BRINP3: variants seen among roughly 807,000 people sequenced by gnomAD.
BRINP3 encodes BMP/retinoic acid inducible neural specific 3, also known as BMP/retinoic acid-inducible neural-specific protein 3.
In BRINP3, 19 loss-of-function variants were observed where a neutral mutation model predicts 71.0. The ratio of observed to expected loss-of-function variants is 0.27; its 90% confidence interval spans 0.19 to 0.39. The LOEUF (loss-of-function observed/expected upper bound fraction) is 0.39, where lower values mean the gene tolerates loss of function less well. BRINP3 is among the 10% of genes least tolerant of loss of function. The pLI is 1.00. For missense variants in BRINP3, 959 were observed against 940.8 expected (o/e 1.02, Z -0.25); for synonymous variants, 380 against 337.7 (o/e 1.13, Z -1.37).
intron 2 of BRINP3, among the ~76,000 whole-genome samples, chr1:190,312,073 A>ATATG (rs1553287441): frequency 2.4e-4 from 34 of 139,626 alleles, no homozygotes; most frequent in Admixed American, 8.6e-4. Context: ...ATATATATAT[A>ATATG]TATGTATTTC....
intron 4 of BRINP3, among the ~76,000 whole-genome samples, chr1:190,260,184 AG>A (rs894083577): frequency 3.3e-5 from 5 of 152,104 alleles, no homozygotes; most frequent in African/African-American, 1.2e-4. Flanking sequence ...ATGAGCACAA[AG>A]TTGCAGTTAT....
At chr1:190,466,020 G>A (rs1158368551) in intron 1 of BRINP3, among the ~76,000 whole-genome samples, 2 of 151,704 alleles carry the variant, frequency 1.3e-5, no homozygotes, top group Admixed American at 6.6e-5. Flanking sequence ...CCACTTGCAA[G>A]GATAATAAAT....
chr1:190,202,638 T>C (rs1042127232), intron 6 of BRINP3, among the ~76,000 whole-genome samples: 64 of 152,246 alleles, frequency 4.2e-4, no homozygotes, highest in African/African-American at 1.5e-3. Flanking sequence ...GATGATTGAA[T>C]CATTGGGACA....
chr1:190,361,785 C>T lies in BRINP3; in HGVS notation c.237-80035G>A, dbSNP rs190829353. 7.2e-4 allele frequency among the ~76,000 whole-genome samples: 109 copies of T among 152,180 alleles called. 1 individual carries two copies. The highest frequency in any genetic ancestry group is 4.3e-4 in the Non-Finnish European group (29 of 67,998). ...TCCATTAGGCATATTATGTACAAGGCGGCTACATGCAAACTTCATCATCCA... is the reference window on the plus strand; with the variant it reads ...TCCATTAGGCATATTATGTACAAGGTGGCTACATGCAAACTTCATCATCCA... On this transcript the variant is annotated intron_variant, in intron 2 of 7. Transcript: ENST00000367462.
chr1:190,145,948 A>AAT (rs1655852237), intron 7 of BRINP3, among the ~76,000 whole-genome samples: 1 of 152,196 alleles, frequency 6.6e-6, no homozygotes, highest in Admixed American at 6.6e-5. Flanking sequence ...GAAGTTGCTC[A>AAT]GGAATGGAAA....
intron 4 of BRINP3, among the ~76,000 whole-genome samples, chr1:190,253,483 G>C (rs1445169482): frequency 6.6e-6 from 1 of 152,128 alleles, no homozygotes; most frequent in Non-Finnish European, 1.5e-5. Context: ...GGTATGAAAT[G>C]GTATCTCAAT....
At chr1:190,136,637 G>A (rs540069964) in intron 7 of BRINP3, among the ~76,000 whole-genome samples, 8 of 151,998 alleles carry the variant, frequency 5.3e-5, no homozygotes, top group African/African-American at 1.7e-4. Context: ...TTTAACATAC[G>A]CAAACATTTT....
At chr1:190,446,121 TA>T (rs1240704800) in intron 2 of BRINP3, among the ~76,000 whole-genome samples, 12 of 152,224 alleles carry the variant, frequency 7.9e-5, no homozygotes, top group Admixed American at 7.9e-4. Flanking sequence ...ATTTCTATAT[TA>T]TTTCTGGCTG....
chr1:190,424,835 C>T (rs1273208560), intron 2 of BRINP3, among the ~76,000 whole-genome samples: 2 of 151,604 alleles, frequency 1.3e-5, no homozygotes, highest in African/African-American at 4.8e-5. Context: ...AAAGCATTTT[C>T]CTTTCTAACA....
At chr1:190,401,229 G>T (rs1671898493) in intron 2 of BRINP3, among the ~76,000 whole-genome samples, 1 of 151,754 alleles carries the variant, frequency 6.6e-6, no homozygotes, top group African/African-American at 2.4e-5. Context: ...ATCGTGTTGG[G>T]CGCCTGTAAT....
chr1:190,425,443 A>C (rs540981882), intron 2 of BRINP3, among the ~76,000 whole-genome samples: 16 of 151,864 alleles, frequency 1.1e-4, no homozygotes, highest in Middle Eastern at 6.8e-3. Context: ...ATTCTCAATC[A>C]ATCTCTAGTG....
At chr1:190,113,741 T>C (rs1159937539) in intron 7 of BRINP3, among the ~76,000 whole-genome samples, 2 of 152,212 alleles carry the variant, frequency 1.3e-5, no homozygotes, top group Non-Finnish European at 2.9e-5. Context: ...AGCATATTTC[T>C]AGTATATTGC....
intron 2 of BRINP3, among the ~76,000 whole-genome samples, chr1:190,293,863 T>A (rs955875382): frequency 1.3e-5 from 2 of 152,158 alleles, no homozygotes; most frequent in African/African-American, 4.8e-5. Context: ...GTTTTCATTT[T>A]CATAGAATAT....
intron 2 of BRINP3, among the ~76,000 whole-genome samples, chr1:190,448,467 G>GA (rs1247264477): frequency 5.0e-5 from 7 of 141,246 alleles, no homozygotes; most frequent in African/African-American, 1.0e-4. Context: ...TGGGGTTTGT[G>GA]TGTGTGTGTG....
At chr1:190,338,146 A>C (rs184392616) in intron 2 of BRINP3, among the ~76,000 whole-genome samples, 3 of 152,202 alleles carry the variant, frequency 2.0e-5, no homozygotes, top group Non-Finnish European at 1.5e-5. Context: ...TTAGTAACTT[A>C]AGCAATTGAA....
intron 2 of BRINP3, among the ~76,000 whole-genome samples, chr1:190,402,243 T>C (rs1671976085): frequency 6.6e-6 from 1 of 152,146 alleles, no homozygotes; most frequent in South Asian, 2.1e-4. Flanking sequence ...ATTGAAGTAA[T>C]ATATTTTTAT....
chr1:190,198,131 C>T (rs1315048529), intron 6 of BRINP3, among the ~76,000 whole-genome samples: 1 of 151,590 alleles, frequency 6.6e-6, no homozygotes, highest in African/African-American at 2.4e-5. Flanking sequence ...ATGTTGGCCC[C>T]TTTTGCTATG....
intron 2 of BRINP3, among the ~76,000 whole-genome samples, chr1:190,388,652 C>G (rs1314587509): frequency 6.6e-6 from 1 of 151,742 alleles, no homozygotes; most frequent in Non-Finnish European, 1.5e-5. Context: ...TGATTTTGGA[C>G]TTCCAGACTC....
intron 7 of BRINP3, among the ~76,000 whole-genome samples, chr1:190,106,462 A>G (rs929455445): frequency 1.3e-5 from 2 of 151,640 alleles, no homozygotes; most frequent in African/African-American, 2.4e-5. Flanking sequence ...TAAGGATTTT[A>G]AAAGTATAAT....
Sources: gnomAD v4.1 joint callset for allele counts (sites outside exome capture counted in the v4.1 genomes callset) on GRCh38, gnomAD v4.1.1 for gene constraint, MANE v1.5 for transcripts, NCBI Gene and HGNC (gene_info 2026-07-23, HGNC 2026-07-21) for gene names.